The following DPH6 variants were observed in gnomAD, a reference collection of about 807,000 sequenced individuals.
DPH6 encodes the protein diphthine--ammonia ligase.
In DPH6, 33 loss-of-function variants were observed where a neutral mutation model predicts 38.2. The ratio of observed to expected loss-of-function variants is 0.86; its 90% confidence interval spans 0.65 to 1.15. DPH6 has a LOEUF of 1.15. Among genes scored for constraint, DPH6 ranks in the 50% most tolerant of loss-of-function variants. The pLI, the probability that DPH6 is intolerant of heterozygous loss-of-function variation, is 0.00. For synonymous variants in DPH6, 108 were observed against 103.0 expected, an observed-to-expected ratio of 1.05 and a Z score of -0.30; for missense variants, 325 against 320.0, an observed-to-expected ratio of 1.02 and a Z score of -0.12.
intron 3 of DPH6, among the ~76,000 whole-genome samples, chr15:35,306,712 T>C (rs915102605): frequency 6.6e-6 from 1 of 152,218 alleles, no homozygotes; most frequent in African/African-American, 2.4e-5. Context: ...AAACTTTTGC[T>C]TTCATTCTTG....
rs538743867 is a variant in DPH6, at chr15:35,383,363, A to G, written c.568-1447T>C. 3.2e-4 allele frequency among the ~76,000 whole-genome samples: 49 copies of G among 152,332 alleles called. 1 individual carries two copies. The highest frequency in any genetic ancestry group is 6.2e-4 in the South Asian group (3 of 4,828). ...ATGTACCCAGTGATATTTTCAATTC[A>G]CATAAAATATTTCTATCACATTCAT... On this transcript the variant is annotated intron_variant, in intron 6 of 8. Transcript: ENST00000256538.
intron 3 of DPH6, among the ~76,000 whole-genome samples, chr15:35,462,025 G>A (rs954380547): frequency 6.6e-6 from 1 of 152,134 alleles, no homozygotes; most frequent in Non-Finnish European, 1.5e-5. Flanking sequence ...GGCACAACAT[G>A]TATATTGTTA....
intron 3 of DPH6, among the ~76,000 whole-genome samples, chr15:35,530,664 A>G (rs1018139813): frequency 6.6e-6 from 1 of 152,222 alleles, no homozygotes; most frequent in Non-Finnish European, 1.5e-5. Flanking sequence ...AGGGAGTCAC[A>G]TTTTCTAGGC....
At chr15:35,437,444 G>C (rs1213395548) in intron 5 of DPH6, among the ~76,000 whole-genome samples, 1 of 152,220 alleles carries the variant, frequency 6.6e-6, no homozygotes, top group Non-Finnish European at 1.5e-5. Context: ...GCTTGGGACT[G>C]AGCTTGGAGG....
chr15:35,371,891 GA>G lies in DPH6; in HGVS notation c.*258del, dbSNP rs551151049. 62 of 1,131,394 alleles carry G rather than the reference GA, an allele frequency of 5.5e-5. No individual in the cohort carries two copies. The highest frequency in any genetic ancestry group is 5.1e-4 in the East Asian group (9 of 17,626). 70.1% of individuals were successfully genotyped at this position (1,131,394 alleles called of 1,614,324 possible). ...AATGGGGTTTATAGATGAAATAAAA[GA>G]AAAAAAAGGTCATAGGGAAGATGTG... is the stretch of plus-strand genomic sequence containing the variant. On this transcript the variant is annotated 3_prime_UTR_variant, in exon 9 of 9. Coordinates refer to ENST00000256538, the MANE Select transcript of DPH6 (RefSeq NM_080650.4).
At chr15:35,165,430 T>C in the DPH6 span, among the ~76,000 whole-genome samples, 1 of 151,840 alleles carries the variant, frequency 6.6e-6, no homozygotes, top group South Asian at 2.1e-4. Context: ...GAAGAGAAGG[T>C]TTGGTGGTGA....
At chr15:35,251,626 A>G (rs917360966) in intron 3 of DPH6, among the ~76,000 whole-genome samples, 11 of 152,216 alleles carry the variant, frequency 7.2e-5, no homozygotes, top group African/African-American at 2.7e-4. Flanking sequence ...TTCATATCAC[A>G]GATACGCTAG....
intron 3 of DPH6, among the ~76,000 whole-genome samples, chr15:35,246,335 T>G (rs1197689426): frequency 6.6e-6 from 1 of 152,244 alleles, no homozygotes; most frequent in African/African-American, 2.4e-5. Context: ...TGTTGAGCAC[T>G]TAATTGTCAG....
chr15:35,458,075 G>A (rs1378282535), intron 3 of DPH6, among the ~76,000 whole-genome samples: 2 of 151,976 alleles, frequency 1.3e-5, no homozygotes, highest in Admixed American at 1.3e-4. Flanking sequence ...CCAAATACAA[G>A]GTAAATGCTA....
chr15:35,496,567 A>AATATATATATACATATAT (rs2054559596), intron 3 of DPH6, among the ~76,000 whole-genome samples: 1 of 31,016 alleles, frequency 3.2e-5, no homozygotes, highest in Non-Finnish European at 5.3e-5. Flanking sequence ...AAAAAAAAAA[A>AATATATATATACATATAT]ATATATATAT....
intron 3 of DPH6, among the ~76,000 whole-genome samples, chr15:35,227,075 T>C (rs1326033675): frequency 6.6e-6 from 1 of 152,112 alleles, no homozygotes; most frequent in Non-Finnish European, 1.5e-5. Flanking sequence ...GCTGGAAATT[T>C]GTCCGTTTCT....
the DPH6 span, among the ~76,000 whole-genome samples, chr15:35,173,210 T>C: frequency 6.6e-6 from 1 of 152,170 alleles, no homozygotes; most frequent in South Asian, 2.1e-4. Context: ...TTACCTTCCT[T>C]ACCAAACATA....
chr15:35,466,763 A>G lies in DPH6; in HGVS notation c.313-11943T>C, dbSNP rs563626054. 2.0e-5 allele frequency among the ~76,000 whole-genome samples: 3 copies of G among 152,340 alleles called. No individual in the cohort carries two copies. The South Asian group carries it at 6.2e-4, about 32-fold the overall frequency. ...ATAGCCTATTGCTCCTAGGCTATAA[A>G]CCTGTACAGCATATTACTATACTGA... On this transcript the variant is annotated intron_variant, in intron 3 of 8. Transcript: ENST00000256538.
chr15:35,482,638 T>C (rs2054341906), intron 3 of DPH6, among the ~76,000 whole-genome samples: 2 of 152,102 alleles, frequency 1.3e-5, no homozygotes, highest in African/African-American at 2.4e-5. Flanking sequence ...TCAACAAAAG[T>C]ATAGATACAA....
chr15:35,184,760 T>A, the DPH6 span, among the ~76,000 whole-genome samples: 24 of 152,178 alleles, frequency 1.6e-4, no homozygotes, highest in African/African-American at 5.3e-4. Flanking sequence ...CTCAGTAGGT[T>A]ATATGTTACA....
intron 5 of DPH6, among the ~76,000 whole-genome samples, chr15:35,438,256 TTTC>T (rs2053742228): frequency 7.0e-6 from 1 of 142,696 alleles, no homozygotes; most frequent in Non-Finnish European, 1.5e-5. Flanking sequence ...CCTAAGATCA[TTTC>T]TTTTCTTTCT....
chr15:35,276,795 A>G (rs531859750), intron 3 of DPH6, among the ~76,000 whole-genome samples: 175 of 152,168 alleles, frequency 1.2e-3, no homozygotes, highest in African/African-American at 3.9e-3. Context: ...CTATGTGCCT[A>G]TTTTTATACA....
At chr15:35,319,847 G>A (rs1273051060) in intron 3 of DPH6, among the ~76,000 whole-genome samples, 1 of 151,876 alleles carries the variant, frequency 6.6e-6, no homozygotes, top group African/African-American at 2.4e-5. Flanking sequence ...TACAAGAACA[G>A]TAAGAAATTT....
At chr15:35,507,280 A>G (rs781103798) in intron 3 of DPH6, among the ~76,000 whole-genome samples, 2 of 152,098 alleles carry the variant, frequency 1.3e-5, no homozygotes, top group African/African-American at 2.4e-5. Flanking sequence ...AAGAGATGTT[A>G]AAAGTATTTT....
Sources: gnomAD v4.1 joint callset for allele counts (sites outside exome capture counted in the v4.1 genomes callset) on GRCh38, gnomAD v4.1.1 for gene constraint, MANE v1.5 for transcripts, NCBI Gene and HGNC (gene_info 2026-07-23, HGNC 2026-07-21) for gene names.